Variants in CASK observed in about 807,000 individuals in gnomAD.
CASK encodes peripheral plasma membrane protein CASK.
A neutral mutation model predicts 82.9 loss-of-function variants in CASK; 4 were observed. The observed-to-expected ratio is 0.05, with a 90% CI of 0.02 to 0.11. The LOEUF (loss-of-function observed/expected upper bound fraction) is 0.11, where lower values mean the gene tolerates loss of function less well. Among genes scored for constraint, CASK ranks in the 10% least tolerant of loss-of-function variants. CASK has a pLI of 1.00. For missense variants in CASK, 358 were observed against 720.9 expected (o/e 0.50, Z 5.76); for synonymous variants, 259 against 253.5 (o/e 1.02, Z -0.20).
chrX:41,791,941 G>A (rs929076207), intron 2 of CASK, among the ~76,000 whole-genome samples: 4 of 111,004 alleles, frequency 3.6e-5, no homozygotes, highest in African/African-American at 9.8e-5. Context: ...CCTTTAAAAG[G>A]GGAACTAGTA....
chrX:41,558,621 C>T (rs1378839210), intron 18 of CASK: 1 of 111,203 alleles, frequency 9.0e-6, no homozygotes, highest in African/African-American at 3.3e-5. Flanking sequence ...AATTTCAATA[C>T]TCTGAATCCT....
chrX:41,565,510 C>A (rs1468031590), intron 16 of CASK, among the ~76,000 whole-genome samples: 1 of 111,561 alleles, frequency 9.0e-6, no homozygotes, highest in Non-Finnish European at 1.9e-5. Context: ...TTCCTGGACA[C>A]CTACATTCTC....
intron 1 of CASK, among the ~76,000 whole-genome samples, chrX:41,888,415 CT>C (rs1055904234): frequency 9.1e-5 from 10 of 109,696 alleles, no homozygotes; most frequent in African/African-American, 3.3e-4. Context: ...TCCTCACCCC[CT>C]CCCACACTTT....
intron 5 of CASK, among the ~76,000 whole-genome samples, chrX:41,705,245 C>A (rs2067865852): frequency 8.9e-6 from 1 of 112,348 alleles, no homozygotes; most frequent in Non-Finnish European, 1.9e-5. Flanking sequence ...TGTGAGGGCA[C>A]CTGGCAGGAT....
At chrX:41,823,069 ATG>A (rs1350552385) in intron 2 of CASK, among the ~76,000 whole-genome samples, 1 of 107,813 alleles carries the variant, frequency 9.3e-6, no homozygotes, top group African/African-American at 3.4e-5. Context: ...CAGCCTAGCA[ATG>A]TCTCTTATCT....
chrX:41,682,105 C>A (rs985971636), intron 5 of CASK, among the ~76,000 whole-genome samples: 4 of 105,873 alleles, frequency 3.8e-5, no homozygotes, highest in African/African-American at 1.4e-4. Context: ...GCTACTCCTG[C>A]AGCTAACACC....
Position 41,628,978 on chromosome X carries a change from G to A in CASK, c.916-2275C>T, listed in dbSNP as rs148923245. Among the ~76,000 whole-genome samples, 78 of 111,413 alleles carry A rather than the reference G, an allele frequency of 7.0e-4. No homozygotes were observed. The East Asian group carries it at 0.016, about 22-fold the overall frequency. ...GTATTTCTTAAGATGTTAGTTATAC[G>A]CTTCAAGGCCTGTTCTTGCTACTAT... On this transcript the variant is annotated intron_variant, in intron 9 of 26. Transcript: ENST00000378163.
At chrX:41,702,138 C>T (rs1157576348) in intron 5 of CASK, among the ~76,000 whole-genome samples, 1 of 111,467 alleles carries the variant, frequency 9.0e-6, no homozygotes, top group Non-Finnish European at 1.9e-5. Flanking sequence ...GTAATCCCAG[C>T]ACTTTGGGAG....
intron 1 of CASK, chrX:41,919,208 C>A: frequency 8.9e-6 from 1 of 111,971 alleles, no homozygotes; most frequent in Non-Finnish European, 1.9e-5. Flanking sequence ...TAGAGAGATC[C>A]ATAAATAAGT....
At chrX:41,700,740 T>A (rs1401567553) in intron 5 of CASK, among the ~76,000 whole-genome samples, 7 of 106,227 alleles carry the variant, frequency 6.6e-5, no homozygotes, top group Admixed American at 4.1e-4. Flanking sequence ...CCACCATGCC[T>A]GGCTAATTTT....
chrX:41,562,344 T>G (rs2065240882), intron 16 of CASK: 1 of 112,768 alleles, frequency 8.9e-6, no homozygotes, highest in Admixed American at 9.4e-5. Flanking sequence ...TGTTGCTTCC[T>G]TATTTATAAA....
chrX:41,845,955 C>A (rs932974816), intron 2 of CASK, among the ~76,000 whole-genome samples: 1 of 111,605 alleles, frequency 9.0e-6, no homozygotes, highest in Non-Finnish European at 1.9e-5. Flanking sequence ...GAAAAGGTAA[C>A]CCTCGTACGC....
chrX:41,731,482 A>C (rs1274674804), intron 5 of CASK, among the ~76,000 whole-genome samples: 1 of 112,022 alleles, frequency 8.9e-6, no homozygotes, highest in Non-Finnish European at 1.9e-5. Flanking sequence ...AAAAACAATC[A>C]CTTTACAGCT....
At position 41,795,529 on chromosome X, in the gene CASK, G is replaced by A. The variant is rs372456684; in HGVS notation, c.173-8246C>T. Among the ~76,000 whole-genome samples the A allele has an allele frequency of 4.2e-4, 47 of 110,659 alleles. 1 individual carries two copies. The highest frequency in any genetic ancestry group is 1.5e-3 in the African/African-American group (46 of 30,454). On this transcript the variant is annotated intron_variant, in intron 2 of 26. Coordinates refer to ENST00000378163, the MANE Select transcript of CASK (RefSeq NM_001367721.1). ...AAAAATACAAAAATTAGCTGGGTGCGGTGACGTGTGCCTGTAGTCCCAGCT... is the reference window on the plus strand; with the variant it reads ...AAAAATACAAAAATTAGCTGGGTGCAGTGACGTGTGCCTGTAGTCCCAGCT...
intron 16 of CASK, among the ~76,000 whole-genome samples, chrX:41,566,929 T>C (rs1272859664): frequency 9.0e-6 from 1 of 111,492 alleles, no homozygotes; most frequent in Non-Finnish European, 1.9e-5. Context: ...TCAGAAATAA[T>C]GCCACACATC....
chrX:41,883,261 T>C (rs1160769594), intron 1 of CASK, among the ~76,000 whole-genome samples: 1 of 111,834 alleles, frequency 8.9e-6, no homozygotes, highest in Non-Finnish European at 1.9e-5. Context: ...CAGCCTTCAA[T>C]TTAAATCGAC....
At chrX:41,670,209 G>T (rs868186899) in intron 6 of CASK, among the ~76,000 whole-genome samples, 1 of 111,900 alleles carries the variant, frequency 8.9e-6, no homozygotes, top group Middle Eastern at 4.2e-3. Flanking sequence ...AGAAGTTAAG[G>T]CCCTTTGGAG....
rs757243487 is a variant in CASK, at chrX:41,695,272, G to A, written c.430-23742C>T. The stretch of plus-strand genomic sequence containing the variant: ...CAGTAGGATAAAAGTAAAGTTTCTC[G>A]CAATGTCTGAAAATAAATCATTTAT... On this transcript the variant is annotated intron_variant, in intron 5 of 26. Transcript: ENST00000378163. Among the ~76,000 whole-genome samples, 6 of 108,718 alleles carry A rather than the reference G, an allele frequency of 5.5e-5. No individual in the cohort carries two copies. The East Asian group carries it at 8.6e-4, about 16-fold the overall frequency. 94.4% of individuals were successfully genotyped at this position (108,718 alleles called of 115,157 possible).
In CASK at chrX:41,557,024, G is replaced by T; in HGVS notation, c.1806+8C>A. ...TCACACTTTGCTGTGTGGAGCTAAA[G>T]TTCTTACCGAAACAGAATTGTTAGT... On this transcript the variant is annotated splice_region_variant and intron_variant, in intron 19 of 26. Coordinates refer to ENST00000378163, the MANE Select transcript of CASK (RefSeq NM_001367721.1). The T allele has an allele frequency of 8.3e-7, 1 of 1,202,515 alleles. No individual in the cohort carries two copies. Among genetic ancestry groups the T allele is most frequent in the Non-Finnish European group, 1.1e-6 (1 of 887,026 alleles).
Sources: gnomAD v4.1 joint callset for allele counts (sites outside exome capture counted in the v4.1 genomes callset) on GRCh38, gnomAD v4.1.1 for gene constraint, MANE v1.5 for transcripts, NCBI Gene and HGNC (gene_info 2026-07-23, HGNC 2026-07-21) for gene names.